Variants in EIF4E observed in about 807,000 individuals in gnomAD.
EIF4E encodes the protein eIF-4F 25 kDa subunit.
For synonymous variants in EIF4E, 71 were observed against 88.5 expected (o/e 0.80, Z 1.11); for missense variants, 113 against 265.6 (o/e 0.43, Z 3.99).
intron 3 of EIF4E, among the ~76,000 whole-genome samples, chr4:98,889,424 T>C (rs1724061081): frequency 6.6e-6 from 1 of 152,212 alleles, no homozygotes; most frequent in Admixed American, 6.5e-5. Context: ...AAAATACTTT[T>C]TCCCTTTTGC....
At chr4:98,884,233 T>C (rs1723818179) in intron 6 of EIF4E, among the ~76,000 whole-genome samples, 1 of 152,214 alleles carries the variant, frequency 6.6e-6, no homozygotes, top group African/African-American at 2.4e-5. Flanking sequence ...TGAATTATTA[T>C]TATGAGCATA....
chr4:98,902,230 C>G (rs971645387), intron 1 of EIF4E, among the ~76,000 whole-genome samples: 1 of 152,186 alleles, frequency 6.6e-6, no homozygotes, highest in Non-Finnish European at 1.5e-5. Context: ...TGCCACCATG[C>G]CTGGCTAATT....
At chr4:98,905,102 A>G (rs1453196905) in intron 1 of EIF4E, among the ~76,000 whole-genome samples, 2 of 152,116 alleles carry the variant, frequency 1.3e-5, no homozygotes, top group Non-Finnish European at 2.9e-5. Flanking sequence ...TTCAGTTTAA[A>G]AACAAAACTC....
At chr4:98,891,494 A>C in intron 2 of EIF4E, 162 bp from the exon 3 acceptor site, 1 of 651,670 alleles carries the variant, frequency 1.5e-6, no homozygotes, top group Non-Finnish European at 2.7e-6. Context: ...GCCCTGATGA[A>C]GGAAATTCTA....
rs755977303 is a variant in EIF4E, at chr4:98,881,105, T to C, written c.577A>G (p.Ile193Val). ...YKERLGLPPK[I>V]VIGYQSHADT... is the part of the protein sequence containing the mutation. ...GCGTGGGACTGATAACCAATCACTA[T>C]CTTTGGAGGAAGTCCTAACCTTTCC... Residue 193 changes from isoleucine (I) to valine (V), a missense_variant, in exon 7 of 7, where the codon ATA becomes GTA. By Grantham distance (29) the Ile-to-Val change is conservative. Coordinates refer to ENST00000450253, the MANE Select transcript of EIF4E (RefSeq NM_001968.5). 1.2e-6 allele frequency: 2 copies of C among 1,612,574 alleles called. No individual in the cohort carries two copies. The highest frequency in any genetic ancestry group is 1.7e-6 in the Non-Finnish European group (2 of 1,179,380).
chr4:98,898,761 T>C (rs1257586699), intron 2 of EIF4E, among the ~76,000 whole-genome samples: 1 of 152,038 alleles, frequency 6.6e-6, no homozygotes, highest in African/African-American at 2.4e-5. Flanking sequence ...TAAAATAACA[T>C]CTTAGCATTA....
chr4:98,924,073 TTTTG>T (rs1180293743), intron 1 of EIF4E, among the ~76,000 whole-genome samples: 76 of 148,338 alleles, frequency 5.1e-4, no homozygotes, highest in African/African-American at 1.3e-3. Flanking sequence ...AGGAAACTTC[TTTTG>T]TTTATTTTTT....
At chr4:98,914,468 G>A (rs1275298178) in intron 1 of EIF4E, among the ~76,000 whole-genome samples, 3 of 147,940 alleles carry the variant, frequency 2.0e-5, no homozygotes, top group Non-Finnish European at 4.4e-5. Flanking sequence ...AAACATTGCT[G>A]AATGCTAAAA....
intron 6 of EIF4E, among the ~76,000 whole-genome samples, chr4:98,882,396 C>CAAAAAAA (rs33922454): frequency 4.0e-4 from 34 of 85,032 alleles, no homozygotes; most frequent in Non-Finnish European, 5.2e-4. Context: ...GACTCCGTCT[C>CAAAAAAA]AAAAAAAAAA....
At chr4:98,912,918 T>C (rs1725215609) in intron 1 of EIF4E, among the ~76,000 whole-genome samples, 3 of 152,250 alleles carry the variant, frequency 2.0e-5, no homozygotes, top group South Asian at 2.1e-4. Flanking sequence ...TAAAATTCTA[T>C]GTGTTTTGCC....
chr4:98,890,816 A>T (rs1560636290), intron 3 of EIF4E: 1 of 199,358 alleles, frequency 5.0e-6, no homozygotes, highest in African/African-American at 2.4e-5. Context: ...TGAACACTTC[A>T]GCCTTTGATA....
intron 1 of EIF4E, among the ~76,000 whole-genome samples, chr4:98,908,170 C>A (rs1223822752): frequency 6.6e-6 from 1 of 152,138 alleles, no homozygotes; most frequent in Non-Finnish European, 1.5e-5. Context: ...ACCAGACCTT[C>A]CCCACCTTCA....
intron 5 of EIF4E, 166 bp downstream of exon 5, chr4:98,886,913 C>T (rs1723943412): frequency 3.1e-6 from 2 of 651,884 alleles, no homozygotes; most frequent in Non-Finnish European, 5.4e-6. Flanking sequence ...TTTCACTGTA[C>T]TATAAACAGG....
intron 5 of EIF4E, among the ~76,000 whole-genome samples, chr4:98,885,742 C>A (rs1723889299): frequency 6.6e-6 from 1 of 152,002 alleles, no homozygotes; most frequent in Admixed American, 6.6e-5. Flanking sequence ...GTGAGCCCAG[C>A]CCTAACAGAT....
intron 1 of EIF4E, among the ~76,000 whole-genome samples, chr4:98,923,995 G>A (rs1209857869): frequency 6.6e-6 from 1 of 151,984 alleles, no homozygotes; most frequent in Non-Finnish European, 1.5e-5. Flanking sequence ...TATAACCCAT[G>A]CTCATTTCCA....
At chr4:98,884,858 AAAAT>A in intron 6 of EIF4E, 60 bp downstream of exon 6, 1 of 1,591,224 alleles carries the variant, frequency 6.3e-7, no homozygotes, top group South Asian at 1.1e-5. Context: ...AGCTACAAAT[AAAAT>A]AACTTCTGGT....
intron 1 of EIF4E, 92 bp from the exon 2 acceptor site, chr4:98,902,074 AT>A (rs371950488): frequency 0.056 from 52,972 of 943,164 alleles, no homozygotes; most frequent in East Asian, 0.075. Flanking sequence ...TATGCTGATA[AT>A]TTTTTTTTTT....
At chr4:98,921,127 T>C (rs1273530557) in intron 1 of EIF4E, among the ~76,000 whole-genome samples, 3 of 152,216 alleles carry the variant, frequency 2.0e-5, no homozygotes, top group Non-Finnish European at 2.9e-5. Flanking sequence ...TATGTGACCG[T>C]GGTAGAAAGT....
intron 3 of EIF4E, 81 bp downstream of exon 3, chr4:98,891,156 C>T (rs757569515): frequency 3.4e-6 from 5 of 1,464,750 alleles, no homozygotes; most frequent in Non-Finnish European, 4.8e-6. Flanking sequence ...ACTCACACTT[C>T]ATTTTGTGAA....
Sources: allele counts gnomAD v4.1 joint callset (sites outside exome capture counted in the v4.1 genomes callset), GRCh38; gene constraint gnomAD v4.1.1; transcripts MANE v1.5; gene names NCBI Gene and HGNC (gene_info 2026-07-23, HGNC 2026-07-21).